Variants in EDDM13 observed in about 807,000 individuals in gnomAD.
The protein encoded by EDDM13 is epididymal protein 13.
In EDDM13, 24 loss-of-function variants were observed where a neutral mutation model predicts 17.8. The observed-to-expected ratio is 1.35, with a 90% CI of 0.98 to 1.90. The LOEUF (loss-of-function observed/expected upper bound fraction) is 1.90, where lower values mean the gene tolerates loss of function less well. EDDM13 is among the 40% of genes most tolerant of loss of function. The pLI is 0.00. For synonymous variants in EDDM13, 31 were observed against 37.5 expected (o/e 0.83, Z 0.63); for missense variants, 97 against 100.8 (o/e 0.96, Z 0.16).
chr19:56,291,845 C>T (rs1373520957), intron 9 of EDDM13, among the ~76,000 whole-genome samples: 1 of 152,132 alleles, frequency 6.6e-6, no homozygotes, highest in Admixed American at 6.5e-5. Flanking sequence ...ATCAGGCATT[C>T]ATGTAATGCC....
chr19:56,300,174 T>A (rs1273915154), intron 12 of EDDM13, among the ~76,000 whole-genome samples: 1 of 152,186 alleles, frequency 6.6e-6, no homozygotes, highest in East Asian at 1.9e-4. Flanking sequence ...AATAGTTTTA[T>A]TAATGGGTAA....
At chr19:56,298,067 C>CAAAAAAAAAAA (rs58825017) in intron 12 of EDDM13, 1 of 68,000 alleles carries the variant, frequency 1.5e-5, no homozygotes, top group Non-Finnish European at 3.3e-5. Context: ...GAGCAAGTCT[C>CAAAAAAAAAAA]AAAAAAAAAA....
rs559141747 is a variant in EDDM13 at position 56,288,378 on chromosome 19, C to T, written c.155-7C>T. 1.3e-5 allele frequency among the ~76,000 whole-genome samples: 2 copies of T among 152,338 alleles called. No individual in the cohort carries two copies. Among genetic ancestry groups the T allele is most frequent in the South Asian group, 4.1e-4 (2 of 4,830 alleles). On this transcript the variant is annotated splice_polypyrimidine_tract_variant and splice_region_variant and intron_variant, in intron 6 of 14. Transcript: ENST00000649256. ...CTTCACCCAGCTAACCCCTGCTCAT[C>T]TTCCAGGTCTCAGACACAACATCAC...
At chr19:56,296,101 A>C (rs1385116256) in intron 10 of EDDM13, 134 bp downstream of exon 10, 1 of 152,364 alleles carries the variant, frequency 6.6e-6, no homozygotes, top group African/African-American at 2.4e-5. Context: ...GTCAACTCAC[A>C]GTCTAGTGGA....
chr19:56,297,006 T>C (rs2039918028), intron 11 of EDDM13, among the ~76,000 whole-genome samples: 1 of 151,876 alleles, frequency 6.6e-6, no homozygotes, highest in African/African-American at 2.4e-5. Flanking sequence ...GAAGCAGTGG[T>C]TGCAGTGAGC....
chr19:56,304,674 AG>A, intron 13 of EDDM13, 118 bp from the exon 14 acceptor site: 1 of 453,048 alleles, frequency 2.2e-6, no homozygotes, highest in Non-Finnish European at 2.9e-6. Context: ...GAAAGAGCAG[AG>A]GGGGAGGACG....
chr19:56,273,405 C>T (rs181398101), intron 1 of EDDM13, among the ~76,000 whole-genome samples: 1 of 152,296 alleles, frequency 6.6e-6, no homozygotes, highest in African/African-American at 2.4e-5. Context: ...TTTCCTCATT[C>T]GATCCACAAA....
At chr19:56,284,509 T>C (rs895864109) in intron 5 of EDDM13, among the ~76,000 whole-genome samples, 6 of 105,124 alleles carry the variant, frequency 5.7e-5, no homozygotes, top group Admixed American at 5.5e-4. Flanking sequence ...TGATGCTTGC[T>C]GTAATTTTTT....
intron 12 of EDDM13, among the ~76,000 whole-genome samples, chr19:56,301,133 G>A (rs962919952): frequency 6.6e-6 from 1 of 152,138 alleles, no homozygotes; most frequent in African/African-American, 2.4e-5. Context: ...AGAATTTGAG[G>A]CAAGTCCATA....
At chr19:56,297,811 G>C (rs1600222102) in intron 12 of EDDM13, 1 of 152,158 alleles carries the variant, frequency 6.6e-6, no homozygotes, top group Non-Finnish European at 1.5e-5. Flanking sequence ...CTCTCTTCCC[G>C]ACATGGAAAT....
chr19:56,287,207 G>C (rs2039191197), intron 6 of EDDM13, among the ~76,000 whole-genome samples: 2 of 152,208 alleles, frequency 1.3e-5, no homozygotes, highest in Admixed American at 1.3e-4. Flanking sequence ...CCTGGAAGTA[G>C]AACTCTCCTC....
At chr19:56,306,961 C>T (rs112345079) in intron 14 of EDDM13, among the ~76,000 whole-genome samples, 2 of 40,082 alleles carry the variant, frequency 5.0e-5, no homozygotes, top group Non-Finnish European at 4.6e-5. Context: ...CCTCCCTGGC[C>T]TCTCCCACGT....
intron 2 of EDDM13, among the ~76,000 whole-genome samples, chr19:56,277,035 G>A (rs1388740146): frequency 6.6e-6 from 1 of 152,146 alleles, no homozygotes; most frequent in Admixed American, 6.5e-5. Context: ...AAGCCACAGT[G>A]AGGTATCACT....
At chr19:56,297,417 TCCTC>T (rs1327658238) in intron 11 of EDDM13, 84 bp from the exon 12 acceptor site, 2 of 335,294 alleles carry the variant, frequency 6.0e-6, no homozygotes, top group South Asian at 1.2e-4. Flanking sequence ...CTCTTCCTCT[TCCTC>T]CCTCCCTCTC....
chr19:56,305,865 C>G (rs906535129), intron 14 of EDDM13, among the ~76,000 whole-genome samples: 3 of 151,608 alleles, frequency 2.0e-5, no homozygotes, highest in Non-Finnish European at 2.9e-5. Context: ...GTCAGATACA[C>G]AGAAAACAAG....
At chr19:56,299,440 T>C (rs1392670620) in intron 12 of EDDM13, among the ~76,000 whole-genome samples, 4 of 147,954 alleles carry the variant, frequency 2.7e-5, no homozygotes, top group Non-Finnish European at 5.9e-5. Context: ...GCCTTGTTCA[T>C]GATTAAAAAA....
intron 2 of EDDM13, among the ~76,000 whole-genome samples, 96 bp downstream of exon 2, chr19:56,276,205 G>A (rs891116607): frequency 1.3e-5 from 2 of 152,160 alleles, no homozygotes; most frequent in Non-Finnish European, 2.9e-5. Flanking sequence ...CTGGGGAAGG[G>A]TGGCACTTGG....
At chr19:56,290,345 T>C (rs929730852) in intron 8 of EDDM13, among the ~76,000 whole-genome samples, 1 of 152,230 alleles carries the variant, frequency 6.6e-6, no homozygotes, top group Non-Finnish European at 1.5e-5. Context: ...CTTTGTGCTC[T>C]AATGGCAGAG....
intron 9 of EDDM13, among the ~76,000 whole-genome samples, chr19:56,292,322 TGTC>T (rs1209551040): frequency 6.6e-6 from 1 of 152,218 alleles, no homozygotes; most frequent in East Asian, 1.9e-4. Flanking sequence ...CTTGCTCTGT[TGTC>T]CAGGCTGGAG....
Sources: gnomAD v4.1 joint callset for allele counts (sites outside exome capture counted in the v4.1 genomes callset) on GRCh38, gnomAD v4.1.1 for gene constraint, MANE v1.5 for transcripts, NCBI Gene and HGNC (gene_info 2026-07-23, HGNC 2026-07-21) for gene names.